CDH18: variants seen among roughly 807,000 people sequenced by gnomAD.
The protein encoded by CDH18 is cadherin 18.
CDH18 carries 31 observed loss-of-function variants against 67.9 expected under a neutral mutation model. The observed-to-expected ratio is 0.46, with a 90% CI of 0.34 to 0.62. CDH18 has a LOEUF of 0.62. Among genes scored for constraint, CDH18 ranks in the 20% least tolerant of loss-of-function variants. CDH18 has a pLI of 0.01. For missense variants in CDH18, 890 were observed against 975.5 expected (o/e 0.91, Z 1.17); for synonymous variants, 362 against 347.2 (o/e 1.04, Z -0.48).
intron 1 of CDH18, among the ~76,000 whole-genome samples, chr5:20,272,714 CATT>C (rs1017069937): frequency 1.3e-5 from 2 of 151,960 alleles, no homozygotes; most frequent in Admixed American, 6.6e-5. Context: ...AAAGTCCATT[CATT>C]TTTTTCCCTC....
chr5:20,256,982 C>A (rs1744298512), intron 1 of CDH18, among the ~76,000 whole-genome samples: 1 of 132,084 alleles, frequency 7.6e-6, no homozygotes, highest in African/African-American at 2.6e-5. Flanking sequence ...ATATCTATAT[C>A]TATATCTATC....
chr5:19,587,996 C>T (rs1425798171), intron 7 of CDH18, among the ~76,000 whole-genome samples: 2 of 151,890 alleles, frequency 1.3e-5, no homozygotes, highest in Non-Finnish European at 1.5e-5. Context: ...TTGAATAGGT[C>T]CTTTGCTTCC....
intron 1 of CDH18, among the ~76,000 whole-genome samples, chr5:20,295,005 T>G (rs1284161888): frequency 6.6e-6 from 1 of 152,152 alleles, no homozygotes; most frequent in Admixed American, 6.6e-5. Context: ...TAATTTTACT[T>G]AATAAAAAAT....
chr5:19,714,342 T>G (rs1465581279), intron 5 of CDH18, among the ~76,000 whole-genome samples: 1 of 152,082 alleles, frequency 6.6e-6, no homozygotes. Context: ...ACAGGCAAAA[T>G]GAGAAATTGA....
At chr5:19,713,460 A>G (rs1277979183) in intron 5 of CDH18, among the ~76,000 whole-genome samples, 2 of 152,144 alleles carry the variant, frequency 1.3e-5, no homozygotes, top group Non-Finnish European at 1.5e-5. Flanking sequence ...ACCTAATTCC[A>G]TCTTAATTGT....
intron 2 of CDH18, among the ~76,000 whole-genome samples, chr5:20,063,149 AT>A (rs1199934317): frequency 6.6e-6 from 1 of 151,214 alleles, no homozygotes; most frequent in Admixed American, 6.6e-5. Context: ...GTTTCTTGTG[AT>A]TTTTTTATTT....
intron 2 of CDH18, among the ~76,000 whole-genome samples, chr5:20,171,498 G>C (rs1376365420): frequency 1.3e-5 from 2 of 150,866 alleles, no homozygotes; most frequent in Admixed American, 6.6e-5. Context: ...TATGCTTGTT[G>C]GCCACATGTA....
chr5:20,002,536 T>C (rs1013190521), intron 2 of CDH18, among the ~76,000 whole-genome samples: 1 of 152,208 alleles, frequency 6.6e-6, no homozygotes, highest in Non-Finnish European at 1.5e-5. Flanking sequence ...GTGATGCATG[T>C]ATATGCTCAG....
rs70954644 is a variant in CDH18, at chr5:20,250,589, C to CTTTT, written c.-518+4851_-518+4854dup. Among the ~76,000 whole-genome samples the CTTTT allele has an allele frequency of 1.9e-3, 63 of 33,574 alleles. 7 individuals are homozygous for CTTTT. Among genetic ancestry groups the CTTTT allele is most frequent in the Non-Finnish European group, 2.0e-3 (43 of 21,054 alleles). 22.0% of individuals were successfully genotyped at this position (33,574 alleles called of 152,430 possible). A position where few individuals can be genotyped will look rare whatever the true frequency, so the allele number is the denominator to read the frequency against. On this transcript the variant is annotated intron_variant, in intron 2 of 14. Transcript: ENST00000507958. ...TACAGGCGTGAGCCACGGCCCATGG[C>CTTTT]TTTTTTTTTTTTTTTTTTTTTTTTT... is the stretch of plus-strand genomic sequence containing the variant.
intron 3 of CDH18, among the ~76,000 whole-genome samples, chr5:19,799,620 A>C (rs1777238760): frequency 6.6e-6 from 1 of 152,112 alleles, no homozygotes; most frequent in Non-Finnish European, 1.5e-5. Context: ...TATCTATTAT[A>C]CCTCAATAAA....
intron 3 of CDH18, among the ~76,000 whole-genome samples, chr5:19,785,550 A>G (rs925198920): frequency 6.8e-6 from 1 of 147,594 alleles, no homozygotes; most frequent in East Asian, 2.1e-4. Flanking sequence ...GCTACTCAGG[A>G]GGCTAAGGCA....
chr5:20,573,561 A>C (rs944622449), intron 1 of CDH18, among the ~76,000 whole-genome samples: 1 of 151,676 alleles, frequency 6.6e-6, no homozygotes, highest in African/African-American at 2.4e-5. Context: ...TGCATAAATA[A>C]AATGGAATTA....
At chr5:20,349,798 A>G (rs1046898059) in intron 1 of CDH18, among the ~76,000 whole-genome samples, 39 of 152,168 alleles carry the variant, frequency 2.6e-4, no homozygotes, top group African/African-American at 9.2e-4. Flanking sequence ...ATAACTATTA[A>G]CACAGGAAAA....
intron 2 of CDH18, among the ~76,000 whole-genome samples, chr5:20,240,054 T>C (rs1742776378): frequency 6.6e-6 from 1 of 151,896 alleles, no homozygotes; most frequent in Admixed American, 6.6e-5. Context: ...TAGTTAAGAA[T>C]AATATGTAAA....
At chr5:20,388,454 C>T (rs10071289) in intron 1 of CDH18, among the ~76,000 whole-genome samples, 28,889 of 151,126 alleles carry the variant, frequency 0.19, 3,039 homozygotes, top group African/African-American at 0.26. Context: ...TTGATGCTTC[C>T]CTCTTTTCTT....
At chr5:20,259,443 A>G (rs1268468649) in intron 1 of CDH18, among the ~76,000 whole-genome samples, 1 of 152,116 alleles carries the variant, frequency 6.6e-6, no homozygotes, top group African/African-American at 2.4e-5. Context: ...CTGAGGCCCC[A>G]AGACCAACTC....
Position 20,518,200 on chromosome 5 carries a change from C to T in CDH18, c.-580+57262G>A, listed in dbSNP as rs545136064. ...AATGAGACAATATCTGTCACAAGGC[C>T]GTAATTAATTTTTGCCTGAAGTTCA... is the stretch of plus-strand genomic sequence containing the variant. On this transcript the variant is annotated intron_variant, in intron 1 of 14. Coordinates refer to the CDH18 transcript ENST00000507958. Among the ~76,000 whole-genome samples the T allele has an allele frequency of 1.9e-4, 29 of 152,116 alleles. No individual in the cohort carries two copies. The South Asian group carries it at 3.9e-3, about 21-fold the overall frequency.
At chr5:20,427,084 T>C (rs952362785) in intron 1 of CDH18, among the ~76,000 whole-genome samples, 2 of 151,236 alleles carry the variant, frequency 1.3e-5, no homozygotes, top group Admixed American at 6.6e-5. Context: ...ATTACAGCAG[T>C]GAAAACTCTG....
intron 1 of CDH18, among the ~76,000 whole-genome samples, chr5:20,300,713 G>C (rs2149965694): frequency 6.6e-6 from 1 of 152,242 alleles, no homozygotes; most frequent in East Asian, 1.9e-4. Flanking sequence ...GGAGGGCTAT[G>C]CTTTTGAACT....
Sources: allele counts gnomAD v4.1 joint callset (sites outside exome capture counted in the v4.1 genomes callset), GRCh38; gene constraint gnomAD v4.1.1; transcripts MANE v1.5; gene names NCBI Gene and HGNC (gene_info 2026-07-23, HGNC 2026-07-21).